The following FOXP2 variants were observed in gnomAD, a reference collection of about 807,000 sequenced individuals.
FOXP2 encodes the protein forkhead box protein P2.
Under a neutral mutation model 115.8 loss-of-function variants are expected in FOXP2, and 12 were observed. The observed-to-expected ratio is 0.10, with a 90% CI of 0.07 to 0.17. FOXP2 has a LOEUF of 0.17. Ranked by LOEUF, FOXP2 falls within the 10% of genes least tolerant of loss-of-function variation. The pLI is 1.00. For synonymous variants in FOXP2, 328 were observed against 297.7 expected (o/e 1.10, Z -1.05); for missense variants, 629 against 843.5 (o/e 0.75, Z 3.15).
chr7:114,482,779 G>T (rs1211725095), intron 2 of FOXP2, among the ~76,000 whole-genome samples: 2 of 151,568 alleles, frequency 1.3e-5, no homozygotes, highest in African/African-American at 4.8e-5. Context: ...TAAAACAATT[G>T]AATTAACTTG....
At chr7:114,222,890 G>A (rs1024057283) in intron 1 of FOXP2, among the ~76,000 whole-genome samples, 1 of 152,098 alleles carries the variant, frequency 6.6e-6, no homozygotes, top group African/African-American at 2.4e-5. Context: ...CTAAGTAAAT[G>A]GACAGAATCC....
At chr7:114,676,342 T>C (rs1362048674) in intron 16 of FOXP2, among the ~76,000 whole-genome samples, 3 of 152,154 alleles carry the variant, frequency 2.0e-5, no homozygotes, top group African/African-American at 4.8e-5. Context: ...TTTGAACAAG[T>C]CTATATTGAA....
chr7:114,419,743 C>CAT (rs1313009100), intron 1 of FOXP2: 2 of 152,356 alleles, frequency 1.3e-5, no homozygotes, highest in African/African-American at 4.8e-5. Context: ...CACACACACA[C>CAT]ACACCCCAGA....
At chr7:114,525,981 A>T (rs1186009888) in intron 2 of FOXP2, among the ~76,000 whole-genome samples, 1 of 151,780 alleles carries the variant, frequency 6.6e-6, no homozygotes, top group Non-Finnish European at 1.5e-5. Flanking sequence ...GCGTGGTAGC[A>T]GGCACCTCTA....
chr7:114,129,153 T>G (rs143865558), intron 1 of FOXP2, among the ~76,000 whole-genome samples: 78 of 152,302 alleles, frequency 5.1e-4, no homozygotes, highest in African/African-American at 1.9e-3. Flanking sequence ...AGCAAGACGA[T>G]ACCTTAGGAA....
intron 16 of FOXP2, among the ~76,000 whole-genome samples, chr7:114,680,744 TAAAAAAAAAAA>T (rs773843932): frequency 8.4e-6 from 1 of 119,146 alleles, no homozygotes; most frequent in Non-Finnish European, 1.8e-5. Flanking sequence ...AGACTCCATC[TAAAAAAAAAAA>T]AAAAAAGTTG....
chr7:114,470,743 G>A (rs776474854), intron 2 of FOXP2, among the ~76,000 whole-genome samples: 26 of 151,700 alleles, frequency 1.7e-4, no homozygotes, highest in Admixed American at 5.3e-4. Flanking sequence ...ACATTTTGTC[G>A]TCTTTCCCTA....
rs368155993 is a variant in FOXP2, at chr7:114,642,635, G to A, written c.989+12G>A. The A allele has an allele frequency of 4.4e-6, 7 of 1,605,334 alleles. No homozygotes were observed. The African/African-American group carries it at 9.4e-5, about 22-fold the overall frequency. ...GCAAGACGAGACAGGTAAATCTCAT[G>A]AGCTTTATTCTATATTTATCTATTT... On this transcript the variant is annotated intron_variant, in intron 7 of 16. Transcript: ENST00000350908.
At chr7:114,265,042 T>C (rs993865208) in intron 1 of FOXP2, among the ~76,000 whole-genome samples, 7 of 152,150 alleles carry the variant, frequency 4.6e-5, no homozygotes, top group African/African-American at 1.7e-4. Flanking sequence ...CCAACCTGTA[T>C]GATTTTGCCC....
At chr7:114,667,366 T>C (rs1807222429) in intron 16 of FOXP2, 1 of 152,026 alleles carries the variant, frequency 6.6e-6, no homozygotes, top group African/African-American at 2.4e-5. Flanking sequence ...GATTTCGAGG[T>C]TACAGTAAGC....
chr7:114,313,213 A>G (rs1232608959), intron 2 of FOXP2, among the ~76,000 whole-genome samples: 7 of 152,220 alleles, frequency 4.6e-5, no homozygotes, highest in Non-Finnish European at 4.4e-5. Flanking sequence ...AGACACCACT[A>G]TGAACATAAG....
At chr7:114,088,707 G>T (rs1465388260) in intron 1 of FOXP2, among the ~76,000 whole-genome samples, 1 of 152,210 alleles carries the variant, frequency 6.6e-6, no homozygotes, top group Admixed American at 6.5e-5. Flanking sequence ...CTTGGGAAAT[G>T]TTTTATGTTG....
chr7:114,160,057 C>T (rs761914970), upstream of FOXP2, among the ~76,000 whole-genome samples: 8 of 152,204 alleles, frequency 5.3e-5, no homozygotes, highest in East Asian at 1.9e-4. Flanking sequence ...CAGGACTTTC[C>T]GGGGATCTGA....
intron 1 of FOXP2, among the ~76,000 whole-genome samples, chr7:114,089,208 C>G (rs1199885269): frequency 1.3e-5 from 2 of 151,974 alleles, no homozygotes; most frequent in African/African-American, 4.8e-5. Flanking sequence ...ATTAAATATA[C>G]TAACTTTGAA....
At chr7:114,549,434 G>A (rs1224775607) in intron 3 of FOXP2, among the ~76,000 whole-genome samples, 2 of 152,138 alleles carry the variant, frequency 1.3e-5, no homozygotes, top group African/African-American at 2.4e-5. Context: ...GACAGGAAGG[G>A]CAGAAATATT....
At chr7:114,588,417 G>A (rs1339745670) in intron 3 of FOXP2, among the ~76,000 whole-genome samples, 3 of 152,098 alleles carry the variant, frequency 2.0e-5, no homozygotes, top group Non-Finnish European at 4.4e-5. Flanking sequence ...GAAATGATAA[G>A]AAGTAGGTCT....
intron 3 of FOXP2, among the ~76,000 whole-genome samples, chr7:114,562,359 T>A (rs1800796352): frequency 6.6e-6 from 1 of 152,142 alleles, no homozygotes; most frequent in South Asian, 2.1e-4. Flanking sequence ...TCTCCCTGCA[T>A]CAGTTTCTAG....
chr7:114,462,044 G>C (rs942408212), intron 2 of FOXP2, among the ~76,000 whole-genome samples: 13 of 151,874 alleles, frequency 8.6e-5, no homozygotes, highest in African/African-American at 2.9e-4. Context: ...ATTTTGCGAG[G>C]CCGAGGCAGG....
intron 2 of FOXP2, chr7:114,366,383 C>A (rs1386175903): frequency 6.6e-6 from 1 of 152,122 alleles, no homozygotes; most frequent in East Asian, 1.9e-4. Context: ...ATAATTAATG[C>A]ACTAAAAAGG....
Sources: allele counts gnomAD v4.1 joint callset (sites outside exome capture counted in the v4.1 genomes callset), GRCh38; gene constraint gnomAD v4.1.1; transcripts MANE v1.5; gene names NCBI Gene and HGNC (gene_info 2026-07-23, HGNC 2026-07-21).